NBPF11: variants seen among roughly 807,000 people sequenced by gnomAD.
NBPF11 encodes the protein NBPF family member NBPF11.
Under a neutral mutation model 93.9 loss-of-function variants are expected in NBPF11, and 72 were observed. The observed-to-expected ratio is 0.77, with a 90% CI of 0.63 to 0.93. The LOEUF (loss-of-function observed/expected upper bound fraction) is 0.93, where lower values mean the gene tolerates loss of function less well. NBPF11 is among the 40% of genes least tolerant of loss of function. The pLI is 0.00. For missense variants in NBPF11, 705 were observed against 802.2 expected (o/e 0.88, Z 1.46); for synonymous variants, 224 against 304.9 (o/e 0.73, Z 2.76).
At chr1:148,129,411 C>A in intron 4 of NBPF11, 1 of 151,390 alleles carries the variant, frequency 6.6e-6, no homozygotes, top group Non-Finnish European at 1.5e-5. Flanking sequence ...GAGCTCTCCG[C>A]CTCCCCCACC....
chr1:148,125,545 G>A (rs1280798300), intron 5 of NBPF11, among the ~76,000 whole-genome samples: 4 of 152,046 alleles, frequency 2.6e-5, no homozygotes, highest in Non-Finnish European at 5.9e-5. Flanking sequence ...ATAAGGCCAT[G>A]AAGAAAATAT....
At chr1:148,124,239 G>C (rs1415718822) in intron 6 of NBPF11, among the ~76,000 whole-genome samples, 172 bp from the exon 7 acceptor site, 2 of 151,836 alleles carry the variant, frequency 1.3e-5, no homozygotes, top group African/African-American at 4.9e-5. Flanking sequence ...ATGGTCTACA[G>C]GCTTTCCCTC....
intron 21 of NBPF11, 73 bp downstream of exon 21, chr1:148,106,108 C>T: frequency 1.6e-6 from 1 of 616,754 alleles, no homozygotes; most frequent in Non-Finnish European, 2.8e-6. Flanking sequence ...TAATGTCAGC[C>T]CGCTCTGTTT....
chr1:148,106,548 A>G (rs1429275388), intron 20 of NBPF11, among the ~76,000 whole-genome samples: 9,540 of 130,218 alleles, frequency 0.073, 968 homozygotes, highest in Middle Eastern at 0.12. Flanking sequence ...GAGGAAAACT[A>G]AAGTATTCAG....
chr1:148,104,608 T>C lies in NBPF11; in HGVS notation c.2510A>G (p.Glu837Gly). 1.7e-6 allele frequency: 1 copy of C among 583,600 alleles called. No individual in the cohort carries two copies. Among genetic ancestry groups the C allele is most frequent in the Non-Finnish European group, 3.0e-6 (1 of 336,124 alleles). The allele number at this position is 583,600 out of a possible 1,614,324, so 36.2% of individuals were successfully genotyped here. The change falls in exon 23 of 24, where the codon GAA becomes GGA. Residue 837 changes from glutamate (E) to glycine (G), a missense_variant. Glu to Gly is a moderately conservative substitution (Grantham distance 98). Around this residue, in one of 12 missense-constraint regions of NBPF11, gnomAD observed 109 missense variants for 83.3 expected, o/e 1.31. Coordinates refer to ENST00000682118, the MANE Select transcript of NBPF11 (RefSeq NM_001385469.3). Reference sequence around the variant, plus strand: ...TTCTTCTTTTCTTCTTTGATCTTCTTCCCCTTCTTTTCTTCCCCTTCCCCT... The same window carrying C: ...TTCTTCTTTTCTTCTTTGATCTTCTCCCCCTTCTTTTCTTCCCCTTCCCCT... ...KRRGRGRKEG[E>G]EDQRRKEEGE... is the part of the protein sequence containing the mutation.
intron 10 of NBPF11, 119 bp from the exon 11 acceptor site, chr1:148,118,841 T>C (rs1480459938): frequency 9.4e-6 from 8 of 851,926 alleles, no homozygotes; most frequent in East Asian, 2.5e-5. Flanking sequence ...TACCAGGGTC[T>C]AGACAGGGAT....
At chr1:148,126,263 T>G (rs1215016393) in intron 5 of NBPF11, among the ~76,000 whole-genome samples, 2 of 151,988 alleles carry the variant, frequency 1.3e-5, no homozygotes, top group Non-Finnish European at 2.9e-5. Context: ...CCTCCCAAAG[T>G]GCTGAGATTA....
At chr1:148,121,293 C>T (rs1667764792) in intron 9 of NBPF11, among the ~76,000 whole-genome samples, 1 of 151,326 alleles carries the variant, frequency 6.6e-6, no homozygotes, top group Non-Finnish European at 1.5e-5. Flanking sequence ...TTCCGCCCAC[C>T]TTGGCCTCTC....
chr1:148,113,066 G>A (rs1172286161), intron 15 of NBPF11, among the ~76,000 whole-genome samples: 54 of 152,016 alleles, frequency 3.6e-4, no homozygotes, highest in Non-Finnish European at 6.2e-4. Flanking sequence ...ATCAACTAAC[G>A]GGTGAAATAA....
chr1:148,113,114 T>G (rs1287046947), intron 15 of NBPF11, among the ~76,000 whole-genome samples: 1 of 151,952 alleles, frequency 6.6e-6, no homozygotes, highest in East Asian at 1.9e-4. Flanking sequence ...AATTCACACA[T>G]AACCATATTA....
chr1:148,118,248 G>C (rs1246266576), intron 11 of NBPF11, among the ~76,000 whole-genome samples: 1 of 151,698 alleles, frequency 6.6e-6, no homozygotes, highest in African/African-American at 2.4e-5. Context: ...TTGAGTGAAA[G>C]AATGAGAAGC....
chr1:148,141,952 TGA>T (rs369144362), intron 2 of NBPF11, among the ~76,000 whole-genome samples: 17,715 of 135,348 alleles, frequency 0.13, 1,244 homozygotes, highest in East Asian at 0.28. Context: ...AGAGAGAGCA[TGA>T]GAGAGAGAGA....
At chr1:148,132,040 C>A (rs1223048972) in intron 4 of NBPF11, among the ~76,000 whole-genome samples, 1 of 136,690 alleles carries the variant, frequency 7.3e-6, no homozygotes, top group Non-Finnish European at 1.6e-5. Context: ...GCTAATTGAC[C>A]ATTCATGTAT....
rs1276427365 is a variant in NBPF11 at position 148,122,056 on chromosome 1, T to A, written c.777A>T (p.Pro259=). Residue 259 remains proline (P), a splice_region_variant and synonymous_variant, in exon 9 of 24, where the codon CCA becomes CCT. Transcript: ENST00000682118. ...DGCQDALNIL[P]VPGPTSSATN... ...AGACACAAGGAAAATAGAGGCTACC[T>A]GGGAGAATGTTTAGAGCATCCTGAC... 5.6e-6 allele frequency: 9 copies of A among 1,604,084 alleles called. No homozygotes were observed. In the East Asian group the frequency reaches 2.0e-4, roughly 36 times the overall value.
At chr1:148,109,146 C>CA (rs1365137049) in intron 17 of NBPF11, 138 bp downstream of exon 17, 2 of 776,824 alleles carry the variant, frequency 2.6e-6, no homozygotes, top group African/African-American at 1.7e-5. Flanking sequence ...TAATGAGAAC[C>CA]AAAAAACAAT....
Position 148,106,455 on chromosome 1 carries a change from A to G in NBPF11, c.2252-223T>C, listed in dbSNP as rs1360667062. On this transcript the variant is annotated intron_variant, in intron 20 of 23. Coordinates refer to ENST00000682118, the MANE Select transcript of NBPF11 (RefSeq NM_001385469.3). ...CCTATTCTGGTAGATCGTTATCCCA[A>G]AATCATTTATCCCAAGTTTGTGCAA... is the stretch of plus-strand genomic sequence containing the variant. Among the ~76,000 whole-genome samples the G allele has an allele frequency of 2.1e-5, 3 of 144,466 alleles. No homozygotes were observed. In the East Asian group the frequency reaches 6.0e-4, roughly 29 times the overall value. 94.8% of individuals were successfully genotyped at this position (144,466 alleles called of 152,430 possible). A position where few individuals can be genotyped will look rare whatever the true frequency, so the allele number is the denominator to read the frequency against.
chr1:148,147,975 C>T (rs1375473996), intron 1 of NBPF11, among the ~76,000 whole-genome samples: 1 of 152,058 alleles, frequency 6.6e-6, no homozygotes, highest in Non-Finnish European at 1.5e-5. Flanking sequence ...GAGGCCAGAG[C>T]GTGCCCAGGG....
In NBPF11 at chr1:148,122,769, C is replaced by T. The variant is rs1668170695; in HGVS notation, c.526G>A (p.Val176Ile). 2 of 1,610,030 alleles carry T rather than the reference C, an allele frequency of 1.2e-6. No individual in the cohort carries two copies. Among genetic ancestry groups the T allele is most frequent in the East Asian group, 2.2e-5 (1 of 44,884 alleles). The stretch of plus-strand genomic sequence containing the variant: ...TCCAGTACTTTCTCATCCTCCTCAA[C>T]TTGAACATCTTCATCCTCATCTTCG... ...NDEDEDEDVQ[V>I]EEDEKVLESS... The change falls in exon 8 of 24, where the codon GTT becomes ATT. Residue 176 changes from valine (V) to isoleucine (I), a missense_variant. Physicochemically the swap from Val to Ile is conservative, Grantham distance 29. Around this residue, in one of 12 missense-constraint regions of NBPF11, gnomAD observed 262 missense variants for 223.1 expected, o/e 1.17. Coordinates refer to ENST00000682118, the MANE Select transcript of NBPF11 (RefSeq NM_001385469.3).
Position 148,122,732 on chromosome 1 carries a change from G to A in NBPF11, c.563C>T (p.Pro188Leu). 1 of 1,609,646 alleles carries A rather than the reference G, an allele frequency of 6.2e-7. No homozygotes were observed. Among genetic ancestry groups the A allele is most frequent in the South Asian group, 1.1e-5 (1 of 90,932 alleles). Residue 188 changes from proline to leucine, a missense_variant, in exon 8 of 24, where the codon CCC becomes CTC. Pro to Leu is a moderately conservative substitution (Grantham distance 98). Coordinates refer to ENST00000682118, the MANE Select transcript of NBPF11 (RefSeq NM_001385469.3). The stretch of plus-strand genomic sequence containing the variant: ...GCTCCTGAGTATTCAATGTTACCTG[G>A]GGGCAGATGATTCCAGTACTTTCTC... ...EDEKVLESSA[P>L]REVQKAEESK...
Sources: gnomAD v4.1 joint callset for allele counts (sites outside exome capture counted in the v4.1 genomes callset) on GRCh38, gnomAD v4.1.1 for gene constraint, gnomAD v4.1.1 regional missense constraint, MANE v1.5 for transcripts, NCBI Gene and HGNC (gene_info 2026-07-23, HGNC 2026-07-21) for gene names.